HNRNPA1L2: variants seen among roughly 807,000 people sequenced by gnomAD.
HNRNPA1L2 encodes heterogeneous nuclear ribonucleoprotein A1 like 2.
In HNRNPA1L2, 10 loss-of-function variants were observed where a neutral mutation model predicts 18.2. The ratio of observed to expected loss-of-function variants is 0.55; its 90% CI spans 0.34 to 0.93. The LOEUF is 0.93. Ranked by LOEUF, HNRNPA1L2 falls within the 40% of genes least tolerant of loss-of-function variation. The pLI is 0.02. For synonymous variants in HNRNPA1L2, 124 were observed against 138.6 expected, an observed-to-expected ratio of 0.89 and a Z score of 0.74; for missense variants, 308 against 394.4, an observed-to-expected ratio of 0.78 and a Z score of 1.85.
At chr13:52,621,738 G>A in the HNRNPA1L2 span, among the ~76,000 whole-genome samples, 1 of 143,190 alleles carries the variant, frequency 7.0e-6, no homozygotes, top group South Asian at 2.2e-4. Context: ...CTGATTTTCA[G>A]TTTCCTTATC....
the HNRNPA1L2 span, among the ~76,000 whole-genome samples, chr13:52,621,496 T>C: frequency 6.6e-6 from 1 of 152,172 alleles, no homozygotes; most frequent in African/African-American, 2.4e-5. Flanking sequence ...CAGATCTGGG[T>C]TTGAGAATAA....
chr13:52,634,343 T>C, the HNRNPA1L2 span, among the ~76,000 whole-genome samples: 1 of 152,202 alleles, frequency 6.6e-6, no homozygotes, highest in East Asian at 1.9e-4. Context: ...AATAAAATAA[T>C]CTTATTTCTA....
the HNRNPA1L2 span, chr13:52,617,537 G>A: frequency 1.7e-5 from 7 of 419,388 alleles, no homozygotes; most frequent in Admixed American, 1.3e-4. Context: ...TTGCTCTCCT[G>A]GATGGCTTTA....
chr13:52,628,279 C>T, the HNRNPA1L2 span, among the ~76,000 whole-genome samples: 3 of 152,088 alleles, frequency 2.0e-5, no homozygotes, highest in Non-Finnish European at 2.9e-5. Flanking sequence ...CCCATCTTTA[C>T]AAACCATAAA....
chr13:52,619,088 A>G, the HNRNPA1L2 span, among the ~76,000 whole-genome samples: 5 of 151,920 alleles, frequency 3.3e-5, no homozygotes, highest in African/African-American at 1.2e-4. Context: ...GGTCACCACA[A>G]TCTCCGCCTC....
the HNRNPA1L2 span, among the ~76,000 whole-genome samples, chr13:52,629,913 C>A: frequency 6.6e-6 from 1 of 152,088 alleles, no homozygotes; most frequent in African/African-American, 2.4e-5. Context: ...CATGGTGAAA[C>A]CCCATCTCTA....
At chr13:52,626,486 G>A in the HNRNPA1L2 span, among the ~76,000 whole-genome samples, 2 of 150,354 alleles carry the variant, frequency 1.3e-5, no homozygotes, top group Admixed American at 1.3e-4. Context: ...TTCATAATAG[G>A]ATGTTTTTAT....
At chr13:52,625,608 T>C in the HNRNPA1L2 span, among the ~76,000 whole-genome samples, 1 of 152,202 alleles carries the variant, frequency 6.6e-6, no homozygotes, top group Non-Finnish European at 1.5e-5. Flanking sequence ...GAAAAATGAA[T>C]ATTCACCTAT....
chr13:52,628,599 A>G, the HNRNPA1L2 span, among the ~76,000 whole-genome samples: 1 of 152,234 alleles, frequency 6.6e-6, no homozygotes, highest in African/African-American at 2.4e-5. Flanking sequence ...ATAGGCATAC[A>G]GATACTGATT....
In HNRNPA1L2 at chr13:52,643,166, GT is replaced by G. The variant is rs1566164323; in HGVS notation, c.675del (p.Gly226ValfsTer51). ...NFGRGGNFSGRGGFGGSCGGG... is the reference protein window; with the variant it reads ...NFGRGGNFSGXGGFGGSCGGG... ...GGTCGTGGAGGAAACTTCAGTGGTC[GT>G]GGTGGCTTTGGTGGCAGCTGTGGTG... On this transcript the variant is annotated frameshift_variant, in exon 1 of 1. Coordinates refer to ENST00000357495, the MANE Select transcript of HNRNPA1L2 (RefSeq NM_001389320.1). LOFTEE classifies it high-confidence loss of function. 2 of 1,598,084 alleles carry G rather than the reference GT, an allele frequency of 1.3e-6. No individual in the cohort carries two copies. The highest frequency in any genetic ancestry group is 2.7e-5 in the African/African-American group (2 of 75,004).
chr13:52,630,699 A>T, the HNRNPA1L2 span, among the ~76,000 whole-genome samples: 2 of 152,348 alleles, frequency 1.3e-5, no homozygotes, highest in Middle Eastern at 3.4e-3. Flanking sequence ...TTAGTGATTT[A>T]TACAGGAAAG....
upstream of HNRNPA1L2, among the ~76,000 whole-genome samples, chr13:52,639,896 G>GTTTTTTTTTTTT (rs1199414232): frequency 2.0e-4 from 14 of 70,690 alleles, no homozygotes; most frequent in African/African-American, 8.3e-4. Context: ...TTTTTTTTTT[G>GTTTTTTTTTTTT]TTTTTTTTTT....
chr13:52,635,311 G>C, the HNRNPA1L2 span, among the ~76,000 whole-genome samples: 1 of 152,110 alleles, frequency 6.6e-6, no homozygotes, highest in Non-Finnish European at 1.5e-5. Context: ...AACAGGTAGA[G>C]TGGAGGATAA....
At chr13:52,627,362 G>A in the HNRNPA1L2 span, 558 of 155,576 alleles carry the variant, frequency 3.6e-3, 2 homozygotes, top group African/African-American at 0.012. Context: ...AAATCATTTT[G>A]CTTTTCACTA....
chr13:52,617,666 C>T, the HNRNPA1L2 span: 1 of 457,628 alleles, frequency 2.2e-6, no homozygotes, highest in South Asian at 7.1e-5. Flanking sequence ...ACTCGCTGCT[C>T]GGCGTGGAAC....
chr13:52,618,035 T>C, the HNRNPA1L2 span, among the ~76,000 whole-genome samples: 1 of 152,250 alleles, frequency 6.6e-6, no homozygotes, highest in Non-Finnish European at 1.5e-5. Flanking sequence ...ATTTATTCTT[T>C]AGTTCATTAT....
At chr13:52,628,120 G>A in the HNRNPA1L2 span, among the ~76,000 whole-genome samples, 1 of 152,168 alleles carries the variant, frequency 6.6e-6, no homozygotes, top group Non-Finnish European at 1.5e-5. Context: ...TATTCCCAAT[G>A]AGCGTGTGTA....
At chr13:52,635,567 C>G in the HNRNPA1L2 span, among the ~76,000 whole-genome samples, 2 of 143,924 alleles carry the variant, frequency 1.4e-5, no homozygotes, top group African/African-American at 2.6e-5. Flanking sequence ...ATTTTCATGT[C>G]CTTTTGCAAC....
In HNRNPA1L2 at chr13:52,643,506, G is replaced by A. The variant is rs1961737819; in HGVS notation, c.*51G>A. ...GGAGAGCCAGAGAAGTGACAGGGAAGCTACAGGTTACAACAGATTTGTGAA... is the reference window on the plus strand; with the variant it reads ...GGAGAGCCAGAGAAGTGACAGGGAAACTACAGGTTACAACAGATTTGTGAA... On this transcript the variant is annotated 3_prime_UTR_variant, in exon 1 of 1. Coordinates refer to ENST00000357495, the MANE Select transcript of HNRNPA1L2 (RefSeq NM_001389320.1). The A allele has an allele frequency of 6.7e-7, 1 of 1,487,640 alleles. No individual in the cohort carries two copies. The highest frequency in any genetic ancestry group is 1.7e-5 in the Admixed American group (1 of 58,204). 92.2% of individuals were successfully genotyped at this position (1,487,640 alleles called of 1,614,324 possible). A position where few individuals can be genotyped will look rare whatever the true frequency, so the allele number is the denominator to read the frequency against.
Sources: allele counts gnomAD v4.1 joint callset (sites outside exome capture counted in the v4.1 genomes callset), GRCh38; gene constraint gnomAD v4.1.1; transcripts MANE v1.5; gene names NCBI Gene and HGNC (gene_info 2026-07-23, HGNC 2026-07-21).